GRID1: variants seen among roughly 807,000 people sequenced by gnomAD.
The protein encoded by GRID1 is glutamate ionotropic receptor delta type subunit 1.
GRID1 carries 28 observed loss-of-function variants against 98.0 expected under a neutral mutation model. The observed-to-expected ratio is 0.29, with a 90% CI of 0.21 to 0.39. GRID1 has a LOEUF of 0.39. Ranked by LOEUF, GRID1 falls within the 10% of genes least tolerant of loss-of-function variation. GRID1 has a pLI of 1.00. For synonymous variants in GRID1, 553 were observed against 538.5 expected (o/e 1.03, Z -0.37); for missense variants, 1,111 against 1,340.5 (o/e 0.83, Z 2.67).
intron 4 of GRID1, among the ~76,000 whole-genome samples, chr10:86,037,185 G>A (rs1216974439): frequency 6.6e-6 from 1 of 152,206 alleles, no homozygotes; most frequent in Non-Finnish European, 1.5e-5. Flanking sequence ...TACTTGCAAA[G>A]ATGTGCTTCT....
intron 8 of GRID1, among the ~76,000 whole-genome samples, chr10:85,840,684 T>A (rs1340394898): frequency 6.6e-6 from 1 of 152,174 alleles, no homozygotes; most frequent in Non-Finnish European, 1.5e-5. Flanking sequence ...AGCATTCTTA[T>A]ACATCAACCA....
At chr10:85,697,151 T>TACA (rs1841403352) in intron 12 of GRID1, among the ~76,000 whole-genome samples, 1 of 152,108 alleles carries the variant, frequency 6.6e-6, no homozygotes, top group Non-Finnish European at 1.5e-5. Flanking sequence ...TAGCTGAGGG[T>TACA]ATTGTACAGA....
chr10:86,347,978 TC>T (rs1164680709), intron 2 of GRID1, among the ~76,000 whole-genome samples: 3 of 151,920 alleles, frequency 2.0e-5, no homozygotes, highest in Admixed American at 2.0e-4. Context: ...TTCCCCATGG[TC>T]CCAGTGGGGA....
chr10:86,182,629 G>A (rs947999404), intron 3 of GRID1, among the ~76,000 whole-genome samples: 1 of 152,210 alleles, frequency 6.6e-6, no homozygotes, highest in African/African-American at 2.4e-5. Flanking sequence ...AAACTGTGAT[G>A]TCAGCTTCTA....
At chr10:86,315,188 A>T (rs781568844) in intron 2 of GRID1, among the ~76,000 whole-genome samples, 7 of 152,192 alleles carry the variant, frequency 4.6e-5, no homozygotes, top group Non-Finnish European at 8.8e-5. Context: ...AAACAGCAAC[A>T]TGATGAAAGC....
intron 4 of GRID1, among the ~76,000 whole-genome samples, chr10:86,101,839 A>C: frequency 6.6e-6 from 1 of 151,840 alleles, no homozygotes; most frequent in East Asian, 1.9e-4. Flanking sequence ...TTTTTTGTAG[A>C]GACAGAGTCT....
intron 2 of GRID1, among the ~76,000 whole-genome samples, chr10:86,213,535 T>C (rs1045101024): frequency 3.9e-5 from 6 of 152,118 alleles, no homozygotes; most frequent in African/African-American, 1.4e-4. Flanking sequence ...GAAAAGTTTC[T>C]CCTAAGGCTG....
At chr10:85,968,208 T>C (rs1486349588) in intron 4 of GRID1, among the ~76,000 whole-genome samples, 1 of 152,102 alleles carries the variant, frequency 6.6e-6, no homozygotes, top group Non-Finnish European at 1.5e-5. Context: ...CCCAGCACTT[T>C]GGGAGGCCGA....
Position 85,599,802 on chromosome 10 carries a change from A to AAAAAAAAAAAAAAAATATAT in GRID1, c.*2470_*2471insATATATTTTTTTTTTTTTTT. On this transcript the variant is annotated 3_prime_UTR_variant, in exon 16 of 16. Transcript: ENST00000327946. ...GTAGAAAATTCTAAAAAAAAAAAAA[A>AAAAAAAAAAAAAAAATATAT]ATATATATATATATATATAAACATG... The AAAAAAAAAAAAAAAATATAT allele has an allele frequency of 2.2e-4, 14 of 64,982 alleles. No homozygotes were observed. Among genetic ancestry groups the AAAAAAAAAAAAAAAATATAT allele is most frequent in the African/African-American group, 3.7e-4 (4 of 10,730 alleles). The allele number at this position is 64,982 out of a possible 1,614,324, so 4.0% of individuals were successfully genotyped here.
intron 5 of GRID1, among the ~76,000 whole-genome samples, chr10:85,882,229 T>A (rs1202450438): frequency 1.3e-5 from 2 of 152,272 alleles, no homozygotes; most frequent in East Asian, 3.9e-4. Flanking sequence ...TCCTCAGGGA[T>A]CTAGATCTAG....
intron 4 of GRID1, among the ~76,000 whole-genome samples, chr10:86,047,742 A>G (rs1253765614): frequency 6.6e-6 from 1 of 152,140 alleles, no homozygotes; most frequent in East Asian, 1.9e-4. Flanking sequence ...TGTGGTTTCT[A>G]GGGGGAAAAA....
At chr10:85,706,672 G>T (rs969783732) in intron 12 of GRID1, among the ~76,000 whole-genome samples, 24 of 152,122 alleles carry the variant, frequency 1.6e-4, no homozygotes, top group African/African-American at 5.8e-4. Flanking sequence ...TAAGCCAAAA[G>T]AACAAAGCTG....
intron 13 of GRID1, among the ~76,000 whole-genome samples, chr10:85,635,249 A>G (rs1424468173): frequency 6.6e-6 from 1 of 152,216 alleles, no homozygotes; most frequent in Non-Finnish European, 1.5e-5. Flanking sequence ...AGGGAGGCAC[A>G]GTGGGGGCTT....
At chr10:86,264,911 C>T (rs924407178) in intron 2 of GRID1, 2 of 376,626 alleles carry the variant, frequency 5.3e-6, no homozygotes, top group African/African-American at 4.2e-5. Context: ...AGAAGGGCTA[C>T]TCCCCGGCCC....
chr10:85,990,709 CAGT>C (rs1213757145), intron 4 of GRID1, among the ~76,000 whole-genome samples: 2 of 151,962 alleles, frequency 1.3e-5, no homozygotes, highest in African/African-American at 4.8e-5. Flanking sequence ...GAGAGGTGGG[CAGT>C]AGAATGCATG....
chr10:85,905,559 T>G (rs1219504423), intron 5 of GRID1, among the ~76,000 whole-genome samples: 1 of 152,182 alleles, frequency 6.6e-6, no homozygotes, highest in Non-Finnish European at 1.5e-5. Context: ...CTATGTATTT[T>G]TGTGTATATA....
At chr10:86,083,309 G>A (rs373691052) in intron 4 of GRID1, among the ~76,000 whole-genome samples, 2 of 152,180 alleles carry the variant, frequency 1.3e-5, no homozygotes, top group Non-Finnish European at 1.5e-5. Flanking sequence ...GTCCCTGAGT[G>A]TGTGGCCACC....
At chr10:85,752,513 TTTGTTAAATGTC>T (rs1489060236) in intron 8 of GRID1, among the ~76,000 whole-genome samples, 1 of 152,196 alleles carries the variant, frequency 6.6e-6, no homozygotes, top group African/African-American at 2.4e-5. Context: ...ACAGATAAAT[TTTGTTAAATGTC>T]TTGCCTGACT....
intron 8 of GRID1, among the ~76,000 whole-genome samples, chr10:85,737,941 T>C (rs1590211543): frequency 6.6e-6 from 1 of 151,890 alleles, no homozygotes; most frequent in South Asian, 2.1e-4. Flanking sequence ...GTGGTAGTTA[T>C]TAAAGTGGGT....
Sources: allele counts gnomAD v4.1 joint callset (sites outside exome capture counted in the v4.1 genomes callset), GRCh38; gene constraint gnomAD v4.1.1; transcripts MANE v1.5; gene names NCBI Gene and HGNC (gene_info 2026-07-23, HGNC 2026-07-21).